Variants in DCLK1 observed in about 807,000 individuals in gnomAD.
DCLK1 encodes the protein doublecortin like kinase 1.
Under a neutral mutation model 86.2 loss-of-function variants are expected in DCLK1, and 16 were observed. That is an observed-to-expected ratio of 0.19 (90% CI 0.13 to 0.28). DCLK1 has a LOEUF of 0.28. Ranked by LOEUF, DCLK1 falls within the 10% of genes least tolerant of loss-of-function variation. The pLI is 1.00. For missense variants in DCLK1, 590 were observed against 940.2 expected (o/e 0.63, Z 4.87); for synonymous variants, 369 against 370.5 (o/e 1.00, Z 0.05).
intron 3 of DCLK1, among the ~76,000 whole-genome samples, chr13:36,082,981 T>C (rs917881124): frequency 6.6e-6 from 1 of 151,358 alleles, no homozygotes; most frequent in African/African-American, 2.4e-5. Context: ...ATGGGCTCTG[T>C]CCACAAAAGT....
At chr13:35,877,877 A>G (rs562736736) in intron 4 of DCLK1, among the ~76,000 whole-genome samples, 75 of 152,352 alleles carry the variant, frequency 4.9e-4, no homozygotes, top group African/African-American at 1.6e-3. Context: ...TTTTATAAAA[A>G]TGGCACAAAG....
chr13:35,875,956 C>T (rs1017184646), intron 4 of DCLK1, among the ~76,000 whole-genome samples: 9 of 152,100 alleles, frequency 5.9e-5, no homozygotes, highest in African/African-American at 2.2e-4. Flanking sequence ...CTCACTACCC[C>T]CAGTATCTGA....
intron 3 of DCLK1, among the ~76,000 whole-genome samples, chr13:36,013,571 A>G (rs374571532): frequency 1.3e-3 from 202 of 152,144 alleles, no homozygotes; most frequent in African/African-American, 3.3e-3. Context: ...CACTTGAGGA[A>G]GCAGTCTGCC....
chr13:35,778,408 C>T (rs912782939), intron 16 of DCLK1, among the ~76,000 whole-genome samples: 4 of 152,164 alleles, frequency 2.6e-5, no homozygotes, highest in Non-Finnish European at 4.4e-5. Flanking sequence ...TTTACTCTGC[C>T]TATGGTTAAC....
At chr13:36,058,282 G>A (rs1013678595) in intron 3 of DCLK1, among the ~76,000 whole-genome samples, 2 of 152,170 alleles carry the variant, frequency 1.3e-5, no homozygotes, top group Non-Finnish European at 2.9e-5. Context: ...TCCAAGCCAG[G>A]ACAGCATTCT....
intron 3 of DCLK1, among the ~76,000 whole-genome samples, chr13:36,017,065 A>G (rs976446577): frequency 6.6e-6 from 1 of 152,352 alleles, no homozygotes; most frequent in Admixed American, 6.5e-5. Flanking sequence ...GAAGGTGAAT[A>G]CTAAGCAGTT....
chr13:35,796,859 G>A (rs148943563), intron 15 of DCLK1, among the ~76,000 whole-genome samples: 1 of 152,300 alleles, frequency 6.6e-6, no homozygotes, highest in African/African-American at 2.4e-5. Context: ...GTGGTGAGGC[G>A]GAAGGAGAAT....
chr13:35,851,700 T>C (rs1371481239), intron 6 of DCLK1, among the ~76,000 whole-genome samples: 2 of 152,178 alleles, frequency 1.3e-5, no homozygotes, highest in Non-Finnish European at 2.9e-5. Flanking sequence ...ATAACTCTGC[T>C]TCGGAAAAAT....
chr13:35,812,357 A>G (rs748778139), intron 11 of DCLK1, among the ~76,000 whole-genome samples: 7 of 152,226 alleles, frequency 4.6e-5, no homozygotes, highest in Non-Finnish European at 7.3e-5. Context: ...TAAGTTTTCC[A>G]TGTACATCAA....
At chr13:35,850,178 G>T in intron 6 of DCLK1, 1 of 984,236 alleles carries the variant, frequency 1.0e-6, no homozygotes, top group Non-Finnish European at 1.2e-6. Flanking sequence ...ACTGTCTAGG[G>T]AGAAAAAAAA....
chr13:36,083,796 C>T (rs1236099550), intron 3 of DCLK1, among the ~76,000 whole-genome samples: 1 of 152,098 alleles, frequency 6.6e-6, no homozygotes, highest in African/African-American at 2.4e-5. Context: ...GCTACCCCTA[C>T]CATTGGTCTT....
At chr13:36,015,993 A>G (rs1438951759) in intron 3 of DCLK1, among the ~76,000 whole-genome samples, 3 of 152,190 alleles carry the variant, frequency 2.0e-5, no homozygotes, top group Admixed American at 1.3e-4. Context: ...GACATCGAAT[A>G]CTTTCATATA....
At chr13:35,862,712 C>T (rs1309161960) in intron 5 of DCLK1, among the ~76,000 whole-genome samples, 1 of 152,184 alleles carries the variant, frequency 6.6e-6, no homozygotes, top group African/African-American at 2.4e-5. Context: ...GCAACTATTC[C>T]CTAACTATGC....
intron 4 of DCLK1, among the ~76,000 whole-genome samples, chr13:35,899,259 C>A (rs1348535575): frequency 1.3e-5 from 2 of 151,640 alleles, no homozygotes; most frequent in African/African-American, 4.9e-5. Context: ...CTTAATGTTC[C>A]CAAGCCCCAG....
intron 3 of DCLK1, among the ~76,000 whole-genome samples, chr13:35,966,847 C>A (rs1878770634): frequency 1.3e-5 from 2 of 151,984 alleles, no homozygotes; most frequent in Admixed American, 6.6e-5. Flanking sequence ...GTGATCTCCG[C>A]TCGCTACCAC....
intron 3 of DCLK1, among the ~76,000 whole-genome samples, chr13:35,990,019 A>C (rs1392584887): frequency 6.6e-6 from 1 of 152,164 alleles, no homozygotes; most frequent in African/African-American, 2.4e-5. Context: ...TCTTAATTAC[A>C]TTTTTTACAT....
At chr13:35,981,183 C>G (rs1184159209) in intron 3 of DCLK1, among the ~76,000 whole-genome samples, 1 of 151,954 alleles carries the variant, frequency 6.6e-6, no homozygotes. Context: ...GGGTTGGGGA[C>G]CCCTGCTCTA....
intron 13 of DCLK1, 165 bp from the exon 14 acceptor site, chr13:35,808,485 TAAGA>T (rs1302282904): frequency 1.4e-6 from 1 of 694,916 alleles, no homozygotes; most frequent in East Asian, 2.7e-5. Context: ...TTTGGTAAAT[TAAGA>T]AAGAGTTTTT....
At chr13:35,855,212 A>C (rs936901966) in intron 5 of DCLK1, among the ~76,000 whole-genome samples, 1 of 152,200 alleles carries the variant, frequency 6.6e-6, no homozygotes, top group Admixed American at 6.5e-5. Context: ...AACAAGTTCA[A>C]ATCACTGGAA....
Sources: gnomAD v4.1 joint callset for allele counts (sites outside exome capture counted in the v4.1 genomes callset) on GRCh38, gnomAD v4.1.1 for gene constraint, MANE v1.5 for transcripts, NCBI Gene and HGNC (gene_info 2026-07-23, HGNC 2026-07-21) for gene names.